The following DCDC1 variants were observed in gnomAD, a reference collection of about 807,000 sequenced individuals.
DCDC1 encodes doublecortin domain-containing protein 1.
Under a neutral mutation model 178.3 loss-of-function variants are expected in DCDC1, and 200 were observed. That is an observed-to-expected ratio of 1.12 (90% CI 1.00 to 1.26). The LOEUF (loss-of-function observed/expected upper bound fraction) is 1.26, where lower values mean the gene tolerates loss of function less well. Among genes scored for constraint, DCDC1 ranks in the 50% most tolerant of loss-of-function variants. The pLI is 0.00. For missense variants in DCDC1, 1,983 were observed against 1,749.2 expected (o/e 1.13, Z -2.38); for synonymous variants, 690 against 604.8 (o/e 1.14, Z -2.07).
At chr11:31,362,641 C>A (rs1394429903) in intron 1 of DCDC1, among the ~76,000 whole-genome samples, 3 of 152,116 alleles carry the variant, frequency 2.0e-5, no homozygotes, top group Non-Finnish European at 2.9e-5. Context: ...CACCAAAAAA[C>A]TCATTAAAGA....
intron 16 of DCDC1, among the ~76,000 whole-genome samples, chr11:31,091,931 T>G (rs1003887465): frequency 2.0e-5 from 3 of 152,162 alleles, no homozygotes; most frequent in Admixed American, 6.6e-5. Flanking sequence ...AATTTAAAGT[T>G]TTACTCTGGG....
At chr11:30,992,960 ATT>A (rs1951071937) in intron 20 of DCDC1, among the ~76,000 whole-genome samples, 1 of 152,152 alleles carries the variant, frequency 6.6e-6, no homozygotes, top group Non-Finnish European at 1.5e-5. Flanking sequence ...CACTTTGCAT[ATT>A]TCATAAGAGA....
intron 36 of DCDC1, among the ~76,000 whole-genome samples, chr11:30,890,582 A>G (rs1177074357): frequency 1.3e-5 from 2 of 152,242 alleles, no homozygotes; most frequent in Non-Finnish European, 2.9e-5. Flanking sequence ...GAGGAATATC[A>G]GCTTCCCTAT....
chr11:31,139,832 A>T (rs1247851277), intron 9 of DCDC1, among the ~76,000 whole-genome samples: 1 of 152,244 alleles, frequency 6.6e-6, no homozygotes, highest in East Asian at 1.9e-4. Context: ...AAAAGGGGGA[A>T]AACAGACCAA....
intron 11 of DCDC1, among the ~76,000 whole-genome samples, chr11:31,117,065 C>A (rs931318946): frequency 6.6e-6 from 1 of 152,046 alleles, no homozygotes; most frequent in Non-Finnish European, 1.5e-5. Context: ...CACCAACTTG[C>A]CAATACTTGA....
intron 20 of DCDC1, among the ~76,000 whole-genome samples, chr11:30,980,500 C>G (rs1054454433): frequency 4.6e-5 from 7 of 152,092 alleles, no homozygotes; most frequent in African/African-American, 2.4e-5. Flanking sequence ...CTCTGTCAGG[C>G]ATGAAAGGGC....
intron 27 of DCDC1, among the ~76,000 whole-genome samples, chr11:30,914,019 A>G (rs905027146): frequency 3.3e-5 from 5 of 152,378 alleles, no homozygotes; most frequent in East Asian, 1.9e-4. Flanking sequence ...TGTCAGCTCC[A>G]TAAGAGTAAA....
Position 31,188,218 on chromosome 11 carries a change from C to T in DCDC1, c.1222-50434G>A, listed in dbSNP as rs1375131107. Among the ~76,000 whole-genome samples, 7 of 152,090 alleles carry T rather than the reference C, an allele frequency of 4.6e-5. No individual in the cohort carries two copies. The East Asian group carries it at 1.2e-3, about 25-fold the overall frequency. ...AAATGAAGAGGTTTAACAAGTCATG[C>T]CTACAACAACAGAGATAGTAAACGG... On this transcript the variant is annotated intron_variant, in intron 9 of 38. Transcript: ENST00000684477.
intron 21 of DCDC1, among the ~76,000 whole-genome samples, chr11:30,948,483 T>G (rs1382855958): frequency 1.3e-5 from 2 of 152,136 alleles, no homozygotes; most frequent in Non-Finnish European, 2.9e-5. Context: ...CTGACTTTCT[T>G]CACAGAAGTA....
intron 20 of DCDC1, among the ~76,000 whole-genome samples, chr11:31,057,322 A>T (rs2135444170): frequency 6.6e-6 from 1 of 152,114 alleles, no homozygotes; most frequent in South Asian, 2.1e-4. Flanking sequence ...AGAGAGAAAG[A>T]GAAAAAGAAA....
At chr11:31,119,937 T>A (rs1421750667) in intron 11 of DCDC1, among the ~76,000 whole-genome samples, 1 of 152,188 alleles carries the variant, frequency 6.6e-6, no homozygotes, top group African/African-American at 2.4e-5. Context: ...TCTAATTGTA[T>A]GAAAATAATC....
chr11:31,251,204 T>C (rs1944006199), intron 8 of DCDC1, among the ~76,000 whole-genome samples: 1 of 152,224 alleles, frequency 6.6e-6, no homozygotes, highest in African/African-American at 2.4e-5. Flanking sequence ...CCAAGTCGTT[T>C]TATTAATTGC....
chr11:30,879,953 A>T (rs1034659927), intron 37 of DCDC1, among the ~76,000 whole-genome samples: 1 of 143,204 alleles, frequency 7.0e-6, no homozygotes, highest in Non-Finnish European at 1.5e-5. Context: ...TAATGAAGGG[A>T]CTGGGAAGGT....
At chr11:31,199,169 A>G (rs930848407) in intron 9 of DCDC1, among the ~76,000 whole-genome samples, 1 of 152,082 alleles carries the variant, frequency 6.6e-6, no homozygotes, top group Non-Finnish European at 1.5e-5. Flanking sequence ...CATTGGCGCA[A>G]TCAGGGACTA....
rs377200226 is a variant in DCDC1, at chr11:31,322,427, C to T, written c.164+5690G>A. 7.2e-5 allele frequency among the ~76,000 whole-genome samples: 11 copies of T among 152,182 alleles called. No homozygotes were observed. The East Asian group carries it at 1.4e-3, about 19-fold the overall frequency. On this transcript the variant is annotated intron_variant, in intron 3 of 38. Coordinates refer to ENST00000684477, the MANE Select transcript of DCDC1 (RefSeq NM_001387274.1). ...TCCTTATATGTCCATGGAAAGTATCCTACGATCAGCTCCAGTGAGTAAATC... is the reference window on the plus strand; with the variant it reads ...TCCTTATATGTCCATGGAAAGTATCTTACGATCAGCTCCAGTGAGTAAATC...
intron 20 of DCDC1, among the ~76,000 whole-genome samples, chr11:30,978,437 A>G (rs755554189): frequency 6.6e-6 from 1 of 152,206 alleles, no homozygotes; most frequent in Non-Finnish European, 1.5e-5. Flanking sequence ...ATAAGAAGAT[A>G]CTGAAGTAAA....
intron 38 of DCDC1, among the ~76,000 whole-genome samples, chr11:30,873,811 A>C (rs549931375): frequency 6.6e-6 from 1 of 152,158 alleles, no homozygotes; most frequent in South Asian, 2.1e-4. Context: ...CCCACCCTCA[A>C]AAGTACTCCG....
intron 3 of DCDC1, among the ~76,000 whole-genome samples, chr11:31,313,584 A>G (rs1948892095): frequency 7.3e-6 from 1 of 137,160 alleles, no homozygotes; most frequent in Admixed American, 7.3e-5. Flanking sequence ...TACATTTTTA[A>G]GATCTACATT....
At chr11:30,872,505 A>C (rs1941675957) in intron 38 of DCDC1, among the ~76,000 whole-genome samples, 1 of 152,178 alleles carries the variant, frequency 6.6e-6, no homozygotes, top group East Asian at 1.9e-4. Context: ...CTTTTCTAAA[A>C]ATGTGGCTAC....
Sources: gnomAD v4.1 joint callset for allele counts (sites outside exome capture counted in the v4.1 genomes callset) on GRCh38, gnomAD v4.1.1 for gene constraint, MANE v1.5 for transcripts, NCBI Gene and HGNC (gene_info 2026-07-23, HGNC 2026-07-21) for gene names.